Variants in FGF7 observed in about 807,000 individuals in gnomAD.
FGF7 encodes FGF-7.
In FGF7, 6 loss-of-function variants were observed where a neutral mutation model predicts 20.5. That is an observed-to-expected ratio of 0.29 (90% CI 0.16 to 0.58). FGF7 has a LOEUF of 0.58. Ranked by LOEUF, FGF7 falls within the 20% of genes least tolerant of loss-of-function variation. FGF7 has a pLI of 0.90. For missense variants in FGF7, 144 were observed against 228.8 expected (o/e 0.63, Z 2.39); for synonymous variants, 64 against 74.7 (o/e 0.86, Z 0.74).
chr15:49,429,477 TC>T lies in FGF7; in HGVS notation c.286+4895del, dbSNP rs572638253. Among the ~76,000 whole-genome samples the T allele has an allele frequency of 1.8e-4, 27 of 152,114 alleles. No individual in the cohort carries two copies. The East Asian group carries it at 5.0e-3, about 28-fold the overall frequency. On this transcript the variant is annotated intron_variant, in intron 2 of 3. Transcript: ENST00000267843. ...CATCTCTTTTCTCTTTTGTAAATCCTCATCTAGACTGACCCTTATGACTCAG... is the reference window on the plus strand; with the variant it reads ...CATCTCTTTTCTCTTTTGTAAATCCTATCTAGACTGACCCTTATGACTCAG...
chr15:49,462,636 G>T (rs1488350365), intron 2 of FGF7, among the ~76,000 whole-genome samples: 1 of 152,214 alleles, frequency 6.6e-6, no homozygotes, highest in African/African-American at 2.4e-5. Context: ...CTCTTACCAA[G>T]AAGAGGAAAG....
chr15:49,463,890 A>T (rs1283546132), intron 2 of FGF7, among the ~76,000 whole-genome samples: 1 of 152,032 alleles, frequency 6.6e-6, no homozygotes, highest in Non-Finnish European at 1.5e-5. Flanking sequence ...GACTACTTCA[A>T]ACTGATTTGA....
At chr15:49,443,259 A>T (rs545346092) in intron 2 of FGF7, among the ~76,000 whole-genome samples, 42 of 151,388 alleles carry the variant, frequency 2.8e-4, no homozygotes, top group African/African-American at 9.9e-4. Context: ...AATACTCAAA[A>T]CTCTTTACTA....
At chr15:49,466,751 CAT>C (rs1404597339) in intron 2 of FGF7, among the ~76,000 whole-genome samples, 1 of 152,078 alleles carries the variant, frequency 6.6e-6, no homozygotes, top group African/African-American at 2.4e-5. Context: ...AGAGAGGAAA[CAT>C]AATTGTTTCT....
chr15:49,425,208 TA>T (rs1485596869), intron 2 of FGF7: 4 of 152,008 alleles, frequency 2.6e-5, no homozygotes, highest in Admixed American at 2.0e-4. Flanking sequence ...TTTCCTTAAC[TA>T]AATCTTTTAT....
intron 2 of FGF7, among the ~76,000 whole-genome samples, chr15:49,438,005 G>T (rs190342332): frequency 6.6e-6 from 1 of 151,560 alleles, no homozygotes; most frequent in Non-Finnish European, 1.5e-5. Context: ...AATGGGGAAG[G>T]GAGTCAGAAG....
At chr15:49,430,709 A>C (rs1429127487) in intron 2 of FGF7, among the ~76,000 whole-genome samples, 1 of 151,764 alleles carries the variant, frequency 6.6e-6, no homozygotes, top group Non-Finnish European at 1.5e-5. Flanking sequence ...GACAGGGCTG[A>C]AATCATTTTT....
intron 2 of FGF7, among the ~76,000 whole-genome samples, chr15:49,438,899 GA>G (rs1230767078): frequency 6.6e-6 from 1 of 151,332 alleles, no homozygotes; most frequent in African/African-American, 2.4e-5. Flanking sequence ...AAAAGAGAGA[GA>G]AAAAGAGAGA....
chr15:49,471,045 T>C (rs749467079), intron 2 of FGF7, among the ~76,000 whole-genome samples: 1 of 152,196 alleles, frequency 6.6e-6, no homozygotes, highest in Non-Finnish European at 1.5e-5. Flanking sequence ...GATGTGAAAG[T>C]GAAAAGTCTT....
intron 2 of FGF7, among the ~76,000 whole-genome samples, chr15:49,447,892 A>G (rs1418995301): frequency 6.6e-6 from 1 of 151,702 alleles, no homozygotes; most frequent in Non-Finnish European, 1.5e-5. Context: ...TTTCATGCCA[A>G]TTAATATAAG....
intron 2 of FGF7, among the ~76,000 whole-genome samples, chr15:49,443,153 T>C (rs2051831489): frequency 6.6e-6 from 1 of 151,728 alleles, no homozygotes; most frequent in Admixed American, 6.6e-5. Flanking sequence ...TTGTTAAATT[T>C]TCAAAAATTT....
chr15:49,466,830 G>A (rs949254617), intron 2 of FGF7, among the ~76,000 whole-genome samples: 3 of 152,078 alleles, frequency 2.0e-5, no homozygotes, highest in African/African-American at 7.2e-5. Context: ...AAACTCAGAT[G>A]TTTTTATTTC....
rs2056240988 is a variant in FGF7, at chr15:49,484,516, A to G, written c.*12A>G. 1.2e-5 allele frequency: 17 copies of G among 1,375,096 alleles called. No individual in the cohort carries two copies. The highest frequency in any genetic ancestry group is 1.7e-5 in the Non-Finnish European group (17 of 1,026,188). The allele number at this position is 1,375,096 out of a possible 1,614,324, so 85.2% of individuals were successfully genotyped here. A position where few individuals can be genotyped will look rare whatever the true frequency, so the allele number is the denominator to read the frequency against. ...TGGCAATAACTTAATTGCATATGGT[A>G]TATAAAGAACCAGTTCCAGCAGGGA... is the stretch of plus-strand genomic sequence containing the variant. On this transcript the variant is annotated 3_prime_UTR_variant, in exon 4 of 4. Coordinates refer to ENST00000267843, the MANE Select transcript of FGF7 (RefSeq NM_002009.4).
intron 2 of FGF7, among the ~76,000 whole-genome samples, chr15:49,427,976 G>A (rs918124169): frequency 2.6e-5 from 4 of 152,088 alleles, no homozygotes; most frequent in East Asian, 1.9e-4. Flanking sequence ...CTTAATTACT[G>A]TGTTGTTTTG....
intron 2 of FGF7, chr15:49,425,546 T>C (rs1687543469): frequency 6.6e-6 from 1 of 151,982 alleles, no homozygotes; most frequent in Admixed American, 6.6e-5. Flanking sequence ...TTCATATTAA[T>C]TGTTTTAAAG....
At chr15:49,446,122 G>T (rs2052182849) in intron 2 of FGF7, among the ~76,000 whole-genome samples, 1 of 151,512 alleles carries the variant, frequency 6.6e-6, no homozygotes, top group African/African-American at 2.4e-5. Context: ...AGTAATTAGT[G>T]TATTATAATT....
chr15:49,426,015 TAAC>T (rs1567252420), intron 2 of FGF7, among the ~76,000 whole-genome samples: 1 of 151,438 alleles, frequency 6.6e-6, no homozygotes, highest in Non-Finnish European at 1.5e-5. Flanking sequence ...ATGGATATAA[TAAC>T]AATATTATAT....
intron 2 of FGF7, among the ~76,000 whole-genome samples, chr15:49,454,090 G>A (rs144662293): frequency 6.6e-6 from 1 of 152,304 alleles, no homozygotes; most frequent in African/African-American, 2.4e-5. Flanking sequence ...GCGTAGGTTT[G>A]AAACTCTGCT....
intron 2 of FGF7, among the ~76,000 whole-genome samples, chr15:49,477,801 A>C (rs1347341897): frequency 6.6e-6 from 1 of 152,202 alleles, no homozygotes; most frequent in Non-Finnish European, 1.5e-5. Context: ...CTAGTAATGA[A>C]AGAGTTTTGG....
Sources: gnomAD v4.1 joint callset for allele counts (sites outside exome capture counted in the v4.1 genomes callset) on GRCh38, gnomAD v4.1.1 for gene constraint, MANE v1.5 for transcripts, NCBI Gene and HGNC (gene_info 2026-07-23, HGNC 2026-07-21) for gene names.